The following CRYBG1 variants were observed in gnomAD, a reference collection of about 807,000 sequenced individuals.
CRYBG1 encodes beta/gamma crystallin domain-containing protein 1.
In CRYBG1, 139 loss-of-function variants were observed where a neutral mutation model predicts 189.2. That is an observed-to-expected ratio of 0.73 (90% confidence interval 0.64 to 0.85). The LOEUF (loss-of-function observed/expected upper bound fraction) is 0.85. Among genes scored for constraint, CRYBG1 ranks in the 40% least tolerant of loss-of-function variants. The pLI is 0.00. For missense variants in CRYBG1, 2,611 were observed against 2,675.8 expected (o/e 0.98, Z 0.53); for synonymous variants, 1,023 against 1,017.1 (o/e 1.01, Z -0.11).
At chr6:106,564,324 T>G (rs1376738600) in intron 21 of CRYBG1, among the ~76,000 whole-genome samples, 2 of 152,230 alleles carry the variant, frequency 1.3e-5, no homozygotes, top group Non-Finnish European at 2.9e-5. Context: ...AATCACAAGC[T>G]GAAAGGCCGT....
intron 2 of CRYBG1, among the ~76,000 whole-genome samples, chr6:106,505,380 C>A (rs905863546): frequency 1.3e-5 from 2 of 152,116 alleles, no homozygotes; most frequent in African/African-American, 4.8e-5. Context: ...AGGCATGAGC[C>A]ACCGCACCCG....
At chr6:106,547,946 AC>A (rs1211274982) in intron 13 of CRYBG1, among the ~76,000 whole-genome samples, 4 of 152,226 alleles carry the variant, frequency 2.6e-5, no homozygotes, top group African/African-American at 9.6e-5. Context: ...GTTTTTTAAA[AC>A]TAGGAGCAAA....
intron 1 of CRYBG1, among the ~76,000 whole-genome samples, chr6:106,431,348 T>C (rs79994823): frequency 0.11 from 17,232 of 152,212 alleles, 1,247 homozygotes; most frequent in Non-Finnish European, 0.15. Context: ...TGCAGATTCT[T>C]TCCTCACACA....
At chr6:106,548,071 A>T (rs2114579736) in intron 13 of CRYBG1, among the ~76,000 whole-genome samples, 1 of 152,332 alleles carries the variant, frequency 6.6e-6, no homozygotes, top group African/African-American at 2.4e-5. Context: ...TCTTCTGAGC[A>T]ATTATTCCAC....
chr6:106,498,272 CTA>C (rs1364226100), intron 2 of CRYBG1, among the ~76,000 whole-genome samples: 1 of 152,088 alleles, frequency 6.6e-6, no homozygotes, highest in Non-Finnish European at 1.5e-5. Flanking sequence ...CAAATAATGA[CTA>C]ATTATAAAGC....
At chr6:106,531,805 G>A (rs1773880784) in intron 8 of CRYBG1, among the ~76,000 whole-genome samples, 1 of 152,070 alleles carries the variant, frequency 6.6e-6, no homozygotes, top group Non-Finnish European at 1.5e-5. Flanking sequence ...GAAGCCCGAT[G>A]GTATTCTTTC....
chr6:106,422,340 A>ATTTTTTTTTTTTTTTTT (rs747540246), intron 1 of CRYBG1, among the ~76,000 whole-genome samples: 2 of 68,286 alleles, frequency 2.9e-5, no homozygotes, highest in South Asian at 9.5e-4. Context: ...TTATTTATTT[A>ATTTTTTTTTTTTTTTTT]TTTATTTTTG....
At chr6:106,418,799 G>A (rs1396369329) in intron 1 of CRYBG1, among the ~76,000 whole-genome samples, 1 of 152,210 alleles carries the variant, frequency 6.6e-6, no homozygotes, top group Non-Finnish European at 1.5e-5. Flanking sequence ...AAGAGCAGAG[G>A]TTTAATAAGT....
chr6:106,559,644 G>A (rs1774650294), intron 18 of CRYBG1, among the ~76,000 whole-genome samples: 1 of 152,082 alleles, frequency 6.6e-6, no homozygotes, highest in South Asian at 2.1e-4. Context: ...AATTAGCCAG[G>A]TGTGGTGGTG....
chr6:106,480,744 G>A (rs1169209075), intron 2 of CRYBG1, among the ~76,000 whole-genome samples: 1 of 151,848 alleles, frequency 6.6e-6, no homozygotes, highest in African/African-American at 2.4e-5. Flanking sequence ...GGCTGAGGCG[G>A]GTGGATCACT....
At chr6:106,540,369 T>TAA (rs1446409210) in intron 9 of CRYBG1, among the ~76,000 whole-genome samples, 2 of 152,212 alleles carry the variant, frequency 1.3e-5, no homozygotes, top group African/African-American at 4.8e-5. Flanking sequence ...TGAGACAAAT[T>TAA]AGAAAGTTAG....
chr6:106,442,831 A>G (rs1348546379), intron 1 of CRYBG1, among the ~76,000 whole-genome samples: 1 of 152,208 alleles, frequency 6.6e-6, no homozygotes, highest in Admixed American at 6.5e-5. Context: ...CTAAAATATA[A>G]CAAAATTGCC....
intron 1 of CRYBG1, among the ~76,000 whole-genome samples, chr6:106,393,030 C>T (rs187408271): frequency 5.3e-5 from 8 of 152,250 alleles, no homozygotes; most frequent in African/African-American, 1.7e-4. Flanking sequence ...TCACCTTGGC[C>T]TCTCAAAGTG....
chr6:106,381,566 T>C (rs1011323669), intron 1 of CRYBG1, among the ~76,000 whole-genome samples: 1 of 152,266 alleles, frequency 6.6e-6, no homozygotes, highest in Admixed American at 6.5e-5. Context: ...GAAATACCTG[T>C]GGGAAGTGAG....
chr6:106,435,897 G>A (rs1009796492), intron 1 of CRYBG1, among the ~76,000 whole-genome samples: 2 of 151,988 alleles, frequency 1.3e-5, no homozygotes, highest in Non-Finnish European at 2.9e-5. Context: ...ATCGTGTCTT[G>A]GAAACCATCC....
intron 2 of CRYBG1, among the ~76,000 whole-genome samples, chr6:106,460,843 G>A (rs1201782871): frequency 1.3e-5 from 2 of 152,198 alleles, no homozygotes; most frequent in Non-Finnish European, 2.9e-5. Flanking sequence ...CTGGATTGCA[G>A]AGGCTAGGTC....
chr6:106,449,383 T>C (rs1771734033), intron 1 of CRYBG1: 2 of 152,402 alleles, frequency 1.3e-5, no homozygotes, highest in Non-Finnish European at 2.9e-5. Flanking sequence ...GTCTAATCTA[T>C]GGCCACACCA....
At chr6:106,554,421 C>T (rs1174115367) in intron 16 of CRYBG1, among the ~76,000 whole-genome samples, 3 of 152,174 alleles carry the variant, frequency 2.0e-5, no homozygotes, top group African/African-American at 7.2e-5. Flanking sequence ...CGAGACCAGC[C>T]TGGCCATCAT....
At chr6:106,364,436 C>CATTCTAATCAATTATTTCTTTAT (rs1374473557) in intron 1 of CRYBG1, among the ~76,000 whole-genome samples, 1 of 152,158 alleles carries the variant, frequency 6.6e-6, no homozygotes, top group Non-Finnish European at 1.5e-5. Flanking sequence ...TTGGTATAGA[C>CATTCTAATCAATTATTTCTTTAT]ATTCTAATCA....
Sources: gnomAD v4.1 joint callset for allele counts (sites outside exome capture counted in the v4.1 genomes callset) on GRCh38, gnomAD v4.1.1 for gene constraint, MANE v1.5 for transcripts, NCBI Gene and HGNC (gene_info 2026-07-23, HGNC 2026-07-21) for gene names.